The following KIF26B variants were observed in gnomAD, a reference collection of about 807,000 sequenced individuals.
KIF26B encodes the protein kinesin family member 26B.
KIF26B carries 63 observed loss-of-function variants against 151.2 expected under a neutral mutation model. The ratio of observed to expected loss-of-function variants is 0.42; its 90% confidence interval spans 0.34 to 0.51. The LOEUF (loss-of-function observed/expected upper bound fraction) is 0.51, where lower values mean the gene tolerates loss of function less well. Among genes scored for constraint, KIF26B ranks in the 20% least tolerant of loss-of-function variants. The pLI is 0.07. For synonymous variants in KIF26B, 1,357 were observed against 1,262.1 expected (o/e 1.08, Z -1.59); for missense variants, 2,813 against 2,913.6 (o/e 0.97, Z 0.79).
rs1672982980 is a variant in KIF26B, at chr1:245,367,269, G to C, written c.901G>C (p.Gly301Arg). Reference sequence around the variant, plus strand: ...CCAGATGGCCACCAGTCCAAGCAATGGGAACATCCTCAATTCGGTGGCCAT... The same window carrying C: ...CCAGATGGCCACCAGTCCAAGCAATCGGAACATCCTCAATTCGGTGGCCAT... ...SLQMATSPSN[G>R]NILNSVAIQA... The change falls in exon 3 of 15, where the codon GGG (glycine) becomes CGG (arginine). Residue 301 changes from glycine to arginine, a missense_variant. By Grantham distance (125) the Gly-to-Arg change is moderately radical (BLOSUM62 -2). Transcript: ENST00000407071. This position sits in a 1 kb window ranked among gnomAD's most constrained non-coding sequence, Gnocchi z 4.2. 6.2e-7 allele frequency: 1 copy of C among 1,605,660 alleles called. No individual in the cohort carries two copies. The highest frequency in any genetic ancestry group is 8.5e-7 in the Non-Finnish European group (1 of 1,176,210).
chr1:245,365,353 G>A (rs1672920345), intron 2 of KIF26B, among the ~76,000 whole-genome samples: 1 of 152,198 alleles, frequency 6.6e-6, no homozygotes, highest in Admixed American at 6.5e-5. Flanking sequence ...AGTGTAAAGA[G>A]GCCTCTTGAT....
chr1:245,343,677 T>C (rs1233394317), intron 2 of KIF26B, among the ~76,000 whole-genome samples: 1 of 152,212 alleles, frequency 6.6e-6, no homozygotes, highest in African/African-American at 2.4e-5. Flanking sequence ...ATTATTCTTG[T>C]CAGTGCTTGA....
chr1:245,688,691 G>C lies in KIF26B; in HGVS notation c.5708G>C (p.Arg1903Pro), dbSNP rs764776788. Residue 1903 changes from arginine to proline, a missense_variant, in exon 12 of 15, where the codon CGG becomes CCG. Arg to Pro is a moderately radical substitution (Grantham distance 103). Coordinates refer to ENST00000407071, the MANE Select transcript of KIF26B (RefSeq NM_018012.4). ...AGCAGCGGCTACGAGAGCGTGATGC[G>C]GGACAGCGAGGCCACCGGCAGCGCG... ...GGSSGYESVMRDSEATGSASS... is the reference protein window; with the variant it reads ...GGSSGYESVMPDSEATGSASS... 1.2e-6 allele frequency: 2 copies of C among 1,606,248 alleles called. No homozygotes were observed. The highest frequency in any genetic ancestry group is 8.5e-7 in the Non-Finnish European group (1 of 1,177,472).
At chr1:245,523,357 G>C (rs1335558805) in intron 4 of KIF26B, among the ~76,000 whole-genome samples, 1 of 152,144 alleles carries the variant, frequency 6.6e-6, no homozygotes, top group Non-Finnish European at 1.5e-5. Context: ...GAAGTCATCA[G>C]CTTAAAAGTG....
In KIF26B at chr1:245,560,630, A is replaced by G. The variant is rs79722963; in HGVS notation, c.1350+19680A>G. Among the ~76,000 whole-genome samples, 23,572 of 152,096 alleles carry G rather than the reference A, an allele frequency of 0.15. 2,633 individuals carry two copies. Among genetic ancestry groups the G allele is most frequent in the East Asian group, 0.59 (3,055 of 5,140 alleles). On this transcript the variant is annotated intron_variant, in intron 5 of 14. Coordinates refer to ENST00000407071, the MANE Select transcript of KIF26B (RefSeq NM_018012.4). This position sits in a 1 kb window ranked among gnomAD's most constrained non-coding sequence, Gnocchi z 4.3. ...CAGCGCACTTCACGGAGGTTCTCAG[A>G]GACCCCATAAGTTTCTGGAAAAGTG...
Position 245,563,362 on chromosome 1 carries a change from G to A in KIF26B, c.1350+22412G>A, listed in dbSNP as rs544193401. Among the ~76,000 whole-genome samples the A allele has an allele frequency of 1.6e-3, 238 of 152,230 alleles. 2 individuals carry two copies. The highest frequency in any genetic ancestry group is 2.8e-3 in the Non-Finnish European group (188 of 68,008). ...GGACGTGTCTTTGCCTTCTTTCAAGGGTTAATGTTTCCAAGTGGGTTCTAT... is the reference window on the plus strand; with the variant it reads ...GGACGTGTCTTTGCCTTCTTTCAAGAGTTAATGTTTCCAAGTGGGTTCTAT... On this transcript the variant is annotated intron_variant, in intron 5 of 14. Coordinates refer to ENST00000407071, the MANE Select transcript of KIF26B (RefSeq NM_018012.4). The surrounding 1 kb of genome is among the most constrained non-coding windows in gnomAD (Gnocchi z 4.6).
At position 245,366,712 on chromosome 1, in the gene KIF26B, C is replaced by T. The variant is rs116783912; in HGVS notation, c.466-122C>T. On this transcript the variant is annotated intron_variant, in intron 2 of 14. Coordinates refer to ENST00000407071, the MANE Select transcript of KIF26B (RefSeq NM_018012.4). ...TGTGTCTTCTCATTTCTGTGGAATG[C>T]CAATCAAACTATCCAACTCTTTGAG... 1,493 of 869,326 alleles carry T rather than the reference C, an allele frequency of 1.7e-3. 15 individuals are homozygous for T. In the African/African-American group the frequency reaches 0.023, roughly 13 times the overall value. 53.9% of individuals were successfully genotyped at this position (869,326 alleles called of 1,614,324 possible). A position where few individuals can be genotyped will look rare whatever the true frequency, so the allele number is the denominator to read the frequency against.
chr1:245,286,036 A>AAAAG (rs1314000607), intron 2 of KIF26B, among the ~76,000 whole-genome samples: 1 of 151,578 alleles, frequency 6.6e-6, no homozygotes, highest in African/African-American at 2.4e-5. Context: ...AAAGAAAAGA[A>AAAAG]AAAGAACATC....
intron 4 of KIF26B, among the ~76,000 whole-genome samples, chr1:245,444,893 C>T (rs761275633): frequency 1.3e-5 from 2 of 152,034 alleles, no homozygotes; most frequent in Non-Finnish European, 2.9e-5. Flanking sequence ...CCAATAGCCA[C>T]GTGTAAAAAA....
At chr1:245,270,486 T>C (rs2102963296) in intron 2 of KIF26B, among the ~76,000 whole-genome samples, 1 of 152,208 alleles carries the variant, frequency 6.6e-6, no homozygotes, top group East Asian at 1.9e-4. Flanking sequence ...TGATACTTCA[T>C]TGTGGTTTTG....
rs2044733631 is a variant in KIF26B at position 245,698,979 on chromosome 1, G to A, written c.6120G>A (p.Lys2040=). The change falls in exon 14 of 15, where the codon AAG becomes AAA. Residue 2040 remains lysine (K), a synonymous_variant. Coordinates refer to ENST00000407071, the MANE Select transcript of KIF26B (RefSeq NM_018012.4). The surrounding 1 kb of genome is among the most constrained non-coding windows in gnomAD (Gnocchi z 4.0). ...EVRAKYEWLM[K]ELEATKQYLM... Reference sequence around the variant, plus strand: ...GCGCGAAGTACGAGTGGCTGATGAAGGAGCTGGAGGCGACCAAACAGTATC... The same window carrying A: ...GCGCGAAGTACGAGTGGCTGATGAAAGAGCTGGAGGCGACCAAACAGTATC... The A allele has an allele frequency of 6.2e-7, 1 of 1,613,928 alleles. No homozygotes were observed. Among genetic ancestry groups the A allele is most frequent in the Non-Finnish European group, 8.5e-7 (1 of 1,179,904 alleles).
intron 2 of KIF26B, among the ~76,000 whole-genome samples, chr1:245,280,597 G>GTTTTTTTTT (rs74163033): frequency 1.9e-5 from 2 of 104,492 alleles, no homozygotes; most frequent in African/African-American, 3.8e-5. Flanking sequence ...GGAAGTTTTC[G>GTTTTTTTTT]TTTTTTTTTT....
intron 4 of KIF26B, among the ~76,000 whole-genome samples, chr1:245,525,465 T>C (rs1661218410): frequency 6.6e-6 from 1 of 152,218 alleles, no homozygotes; most frequent in African/African-American, 2.4e-5. Context: ...CCCTTCTCAA[T>C]TGAATAGCAT....
At chr1:245,439,346 C>CAAAAAAAAAAAAAAAAAAA (rs777808376) in intron 4 of KIF26B, among the ~76,000 whole-genome samples, 1 of 131,722 alleles carries the variant, frequency 7.6e-6, no homozygotes, top group African/African-American at 2.9e-5. Flanking sequence ...GACCCTGTCT[C>CAAAAAAAAAAAAAAAAAAA]AAAAAAAAAA....
intron 9 of KIF26B, 125 bp downstream of exon 9, chr1:245,612,101 T>TGA (rs2043532969): frequency 1.7e-4 from 87 of 500,682 alleles, no homozygotes; most frequent in South Asian, 7.8e-4. Flanking sequence ...TGTGTGTGTG[T>TGA]GTGTGAGAGA....
chr1:245,278,675 G>A (rs773423895), intron 2 of KIF26B, among the ~76,000 whole-genome samples: 12 of 152,158 alleles, frequency 7.9e-5, no homozygotes, highest in African/African-American at 2.2e-4. Context: ...ACCCTCACAC[G>A]TTTACACTCT....
At chr1:245,538,738 C>T (rs1661538324) in intron 4 of KIF26B, among the ~76,000 whole-genome samples, 1 of 152,034 alleles carries the variant, frequency 6.6e-6, no homozygotes, top group Non-Finnish European at 1.5e-5. Context: ...GGATAAACAC[C>T]ATCTTTTAGT....
At chr1:245,474,231 C>T (rs1659980338) in intron 4 of KIF26B, among the ~76,000 whole-genome samples, 1 of 127,128 alleles carries the variant, frequency 7.9e-6, no homozygotes, top group African/African-American at 2.8e-5. Flanking sequence ...GCCTCAGCCT[C>T]CCGAGTGGCT....
chr1:245,325,617 A>G (rs1272731516), intron 2 of KIF26B, among the ~76,000 whole-genome samples: 1 of 152,144 alleles, frequency 6.6e-6, no homozygotes, highest in African/African-American at 2.4e-5. Context: ...AGGCTGAGGC[A>G]GGAGAATCGC....
Sources: allele counts gnomAD v4.1 joint callset (sites outside exome capture counted in the v4.1 genomes callset), GRCh38; gene constraint gnomAD v4.1.1; non-coding constraint Gnocchi (gnomAD v3.1); transcripts MANE v1.5; gene names NCBI Gene and HGNC (gene_info 2026-07-23, HGNC 2026-07-21).